ACBD6: variants seen among roughly 807,000 people sequenced by gnomAD.
ACBD6 encodes acyl-CoA-binding domain-containing protein 6.
A neutral mutation model predicts 37.2 loss-of-function variants in ACBD6; 28 were observed. That is an observed-to-expected ratio of 0.75 (90% CI 0.56 to 1.03). ACBD6 has a LOEUF of 1.03. ACBD6 is among the 50% of genes least tolerant of loss of function. The pLI, the probability that ACBD6 is intolerant of heterozygous loss-of-function variation, is 0.00. For synonymous variants in ACBD6, 113 were observed against 126.8 expected (o/e 0.89, Z 0.73); for missense variants, 340 against 337.4 (o/e 1.01, Z -0.06).
At chr1:180,271,414 C>G (rs183432227) in exon 14 of ACBD6, 6 of 1,614,050 alleles carry the variant, frequency 3.7e-6, no homozygotes, top group Admixed American at 1.7e-5. Flanking sequence ...GGCCCCGGAC[C>G]ACCATCACAG....
intron 3 of ACBD6, among the ~76,000 whole-genome samples, chr1:180,481,160 C>A (rs752028852): frequency 6.6e-6 from 1 of 152,118 alleles, no homozygotes; most frequent in Non-Finnish European, 1.5e-5. Context: ...CTGCAAACCA[C>A]AACCTTGTGA....
At chr1:180,370,493 A>C (rs1216583212) in intron 6 of ACBD6, among the ~76,000 whole-genome samples, 1 of 152,226 alleles carries the variant, frequency 6.6e-6, no homozygotes, top group East Asian at 1.9e-4. Context: ...CTGCATTCAA[A>C]GAACTTACAA....
chr1:180,372,886 A>G (rs1178243346), intron 6 of ACBD6, among the ~76,000 whole-genome samples: 1 of 152,180 alleles, frequency 6.6e-6, no homozygotes, highest in Non-Finnish European at 1.5e-5. Flanking sequence ...ACTATAAGCT[A>G]CTTGTATCCA....
In ACBD6 at chr1:180,366,968, T is replaced by C. The variant is rs993922756; in HGVS notation, c.663+30548A>G. 2.6e-5 allele frequency among the ~76,000 whole-genome samples: 4 copies of C among 152,220 alleles called. No homozygotes were observed. In the South Asian group the frequency reaches 8.3e-4, roughly 31 times the overall value. On this transcript the variant is annotated intron_variant, in intron 6 of 7. Coordinates refer to ENST00000367595, the MANE Select transcript of ACBD6 (RefSeq NM_032360.4). Reference sequence around the variant, plus strand: ...GGGCTGTGAACCCTGGTTATACCACTTACTAGCTTTGTGTCCTCAAGCAAT... The same window carrying C: ...GGGCTGTGAACCCTGGTTATACCACCTACTAGCTTTGTGTCCTCAAGCAAT...
chr1:180,274,642 G>A, intron 10 of ACBD6: 6 of 1,484,566 alleles, frequency 4.0e-6, no homozygotes, highest in Non-Finnish European at 5.4e-6. Context: ...AGGATCAAAA[G>A]AGACTTGCCT....
chr1:180,449,321 GATTC>G (rs930110347), intron 3 of ACBD6, among the ~76,000 whole-genome samples: 32 of 151,800 alleles, frequency 2.1e-4, no homozygotes, highest in African/African-American at 7.7e-4. Flanking sequence ...TTGAAGCTAT[GATTC>G]ATTATCTACA....
At chr1:180,413,335 G>A in intron 5 of ACBD6, 31 bp downstream of exon 5, 1 of 1,559,656 alleles carries the variant, frequency 6.4e-7, no homozygotes, top group Non-Finnish European at 8.8e-7. Context: ...CCATGCATAG[G>A]AAAATAATTA....
intron 3 of ACBD6, among the ~76,000 whole-genome samples, chr1:180,476,615 CG>C (rs1650802486): frequency 6.6e-6 from 1 of 152,166 alleles, no homozygotes; most frequent in Non-Finnish European, 1.5e-5. Context: ...CACCTGAGGT[CG>C]GGAGTTTGAG....
At chr1:180,316,110 G>A (rs1650787173) in intron 6 of ACBD6, among the ~76,000 whole-genome samples, 1 of 152,060 alleles carries the variant, frequency 6.6e-6, no homozygotes, top group Non-Finnish European at 1.5e-5. Flanking sequence ...ATTAAGGACA[G>A]GTAGGGGAAG....
chr1:180,303,300 A>T (rs1650209474), intron 7 of ACBD6, among the ~76,000 whole-genome samples: 1 of 150,666 alleles, frequency 6.6e-6, no homozygotes, highest in Non-Finnish European at 1.5e-5. Flanking sequence ...CCCTTCAAAA[A>T]CTCAATGAAT....
chr1:180,484,960 A>T (rs1413219816), intron 3 of ACBD6, among the ~76,000 whole-genome samples: 1 of 151,668 alleles, frequency 6.6e-6, no homozygotes, highest in Non-Finnish European at 1.5e-5. Context: ...GCTACCAGCT[A>T]CTCAGGAGGC....
At chr1:180,305,067 T>A (rs1489582669) in intron 7 of ACBD6, among the ~76,000 whole-genome samples, 1 of 152,170 alleles carries the variant, frequency 6.6e-6, no homozygotes, top group Non-Finnish European at 1.5e-5. Flanking sequence ...TGAAACTGGA[T>A]CCCTTCCTTA....
chr1:180,392,262 G>A (rs1558279842), intron 6 of ACBD6, among the ~76,000 whole-genome samples: 5 of 64,854 alleles, frequency 7.7e-5, no homozygotes, highest in Non-Finnish European at 2.3e-4. Context: ...TATGTGTATA[G>A]ATGTGTGTGT....
intron 7 of ACBD6, among the ~76,000 whole-genome samples, chr1:180,299,131 T>TA (rs750516633): frequency 5.9e-5 from 9 of 152,238 alleles, no homozygotes. Context: ...GCTGGGCACT[T>TA]ACTGTTTGCT....
chr1:180,336,915 A>G (rs1223777436), intron 6 of ACBD6, among the ~76,000 whole-genome samples: 1 of 152,246 alleles, frequency 6.6e-6, no homozygotes, highest in African/African-American at 2.4e-5. Flanking sequence ...GAAGAAATGG[A>G]TAAATTCCTC....
chr1:180,378,327 C>T (rs532328352), intron 6 of ACBD6, among the ~76,000 whole-genome samples: 10 of 152,090 alleles, frequency 6.6e-5, no homozygotes, highest in South Asian at 2.1e-4. Flanking sequence ...GTATAAGGAA[C>T]GACTAAGGAA....
intron 7 of ACBD6, among the ~76,000 whole-genome samples, chr1:180,296,119 G>C (rs933079576): frequency 6.6e-6 from 1 of 152,130 alleles, no homozygotes; most frequent in Non-Finnish European, 1.5e-5. Flanking sequence ...CCTTATTGCT[G>C]ATTTAGAAAA....
At chr1:180,307,620 C>A (rs554918758) in intron 7 of ACBD6, among the ~76,000 whole-genome samples, 1 of 151,818 alleles carries the variant, frequency 6.6e-6, no homozygotes, top group African/African-American at 2.4e-5. Flanking sequence ...TCTCATGTAC[C>A]CCATAAATAT....
chr1:180,417,756 C>T (rs1376179553), intron 4 of ACBD6, among the ~76,000 whole-genome samples: 4 of 152,148 alleles, frequency 2.6e-5, no homozygotes, highest in South Asian at 2.1e-4. Context: ...TGGTAATTCA[C>T]CAAAAATGCC....
Sources: gnomAD v4.1 joint callset for allele counts (sites outside exome capture counted in the v4.1 genomes callset) on GRCh38, gnomAD v4.1.1 for gene constraint, MANE v1.5 for transcripts, NCBI Gene and HGNC (gene_info 2026-07-23, HGNC 2026-07-21) for gene names.